MED12L: variants seen among roughly 807,000 people sequenced by gnomAD.
The protein encoded by MED12L is mediator complex subunit 12L.
In MED12L, 60 loss-of-function variants were observed where a neutral mutation model predicts 281.3. The ratio of observed to expected loss-of-function variants is 0.21; its 90% confidence interval spans 0.17 to 0.26. The LOEUF (loss-of-function observed/expected upper bound fraction) is 0.26. Among genes scored for constraint, MED12L ranks in the 10% least tolerant of loss-of-function variants. The probability of loss-of-function intolerance (pLI) is 1.00; values close to 1 mark genes in which losing one functional copy is unlikely to be tolerated. For missense variants in MED12L, 2,146 were observed against 2,680.9 expected (o/e 0.80, Z 4.41); for synonymous variants, 974 against 987.2 (o/e 0.99, Z 0.25).
At chr3:151,286,092 T>G (rs62283021) in intron 16 of MED12L, among the ~76,000 whole-genome samples, 67,056 of 152,026 alleles carry the variant, frequency 0.44, 15,095 homozygotes, top group Middle Eastern at 0.64. Flanking sequence ...GGCTTTGCAA[T>G]CATCAGTCTC....
chr3:151,269,423 ACACACACAC>A (rs1390955571), intron 16 of MED12L: 4 of 215,544 alleles, frequency 1.9e-5, no homozygotes, highest in African/African-American at 9.5e-5. Context: ...ACACACACAC[ACACACACAC>A]ACACACACAA....
chr3:151,295,020 A>G (rs1744890651), intron 16 of MED12L: 1 of 1,613,582 alleles, frequency 6.2e-7, no homozygotes, highest in African/African-American at 1.3e-5. Flanking sequence ...TAGAATATGA[A>G]GCTGGTTTTA....
At position 151,271,393 on chromosome 3, in the gene MED12L, G is replaced by C. The variant is rs77924614; in HGVS notation, c.2250+77727G>C. 2.6e-5 allele frequency among the ~76,000 whole-genome samples: 4 copies of C among 152,288 alleles called. No homozygotes were observed. In the East Asian group the frequency reaches 7.7e-4, roughly 29 times the overall value. ...AGGAAATAGAATAATTGATACTTTG[G>C]TATATTTTTGGTTATAGTGTAAAAT... On this transcript the variant is annotated intron_variant, in intron 16 of 44. Transcript: ENST00000687756.
intron 15 of MED12L, among the ~76,000 whole-genome samples, chr3:151,193,164 T>C (rs1009285097): frequency 6.6e-6 from 1 of 152,226 alleles, no homozygotes; most frequent in Non-Finnish European, 1.5e-5. Flanking sequence ...TATGTATATG[T>C]TTCTGTACGA....
At position 151,357,293 on chromosome 3, in the gene MED12L, G is replaced by T. The variant is rs564675820; in HGVS notation, c.2742G>T (p.Leu914=). 2 of 1,613,782 alleles carry T rather than the reference G, an allele frequency of 1.2e-6. No individual in the cohort carries two copies. Among genetic ancestry groups the T allele is most frequent in the Non-Finnish European group, 1.7e-6 (2 of 1,179,882 alleles). The part of the protein sequence containing the change: ...SSLAGSYTTG[L]CVCIVAVLRR... The stretch of plus-strand genomic sequence containing the variant: ...TGGCAGGAAGTTATACAACAGGACT[G>T]TGTGTCTGCATCGTGGCTGTTCTCA... Residue 914 remains leucine (L), a synonymous_variant, in exon 20 of 45, where the codon CTG becomes CTT. Transcript: ENST00000687756.
At chr3:151,232,645 A>G (rs892919057) in intron 16 of MED12L, among the ~76,000 whole-genome samples, 3 of 152,228 alleles carry the variant, frequency 2.0e-5, no homozygotes, top group African/African-American at 7.2e-5. Context: ...GGGAATATGG[A>G]TGGAGCTGGA....
intron 32 of MED12L, among the ~76,000 whole-genome samples, chr3:151,381,808 AT>A (rs1712401915): frequency 6.6e-6 from 1 of 152,076 alleles, no homozygotes; most frequent in Non-Finnish European, 1.5e-5. Flanking sequence ...GGAGGGGTTC[AT>A]TTCTTCTGAT....
Position 151,372,690 on chromosome 3 carries a change from G to T in MED12L, c.3788G>T (p.Cys1263Phe), listed in dbSNP as rs769829011. 5 of 1,613,842 alleles carry T rather than the reference G, an allele frequency of 3.1e-6. No individual in the cohort carries two copies. In the African/African-American group the frequency reaches 6.7e-5, roughly 22 times the overall value. ...IWTASQNPKS[C>F]GKSISIETAN... ...ACTGCCTCACAAAATCCAAAATCCT[G>T]TGGGAAAAGCATTTCCATAGAAACT... Residue 1263 changes from cysteine (C) to phenylalanine (F), a missense_variant, in exon 27 of 45, where the codon TGT becomes TTT. Around this residue, in one of 9 missense-constraint regions of MED12L, gnomAD observed 235 missense variants for 260.3 expected, o/e 0.90. Transcript: ENST00000687756.
chr3:151,137,160 CAAAAAAAAAAAGAAAAAA>C (rs888289024), intron 5 of MED12L, among the ~76,000 whole-genome samples: 4 of 56,996 alleles, frequency 7.0e-5, no homozygotes, highest in Admixed American at 5.5e-4. Flanking sequence ...GACTCCGTCT[CAAAAAAAAAAAGAAAAAA>C]AAAAAAAAGA....
chr3:151,214,872 TG>T (rs1360317448), intron 16 of MED12L, among the ~76,000 whole-genome samples: 4 of 152,198 alleles, frequency 2.6e-5, no homozygotes, highest in African/African-American at 9.7e-5. Context: ...CCATGTGTAA[TG>T]TATTTTTTTA....
At chr3:151,207,047 A>ATTTT (rs879695592) in intron 16 of MED12L, among the ~76,000 whole-genome samples, 1 of 131,916 alleles carries the variant, frequency 7.6e-6, no homozygotes, top group Non-Finnish European at 1.7e-5. Context: ...TAGCCATGTG[A>ATTTT]TTTTTTTTTT....
At chr3:151,349,518 A>G (rs989120602) in intron 16 of MED12L, among the ~76,000 whole-genome samples, 2 of 152,154 alleles carry the variant, frequency 1.3e-5, no homozygotes, top group Non-Finnish European at 2.9e-5. Context: ...TCCTGTCCTC[A>G]AGAGATCCTC....
At chr3:151,348,340 CAAAAAAAAAA>C (rs11382065) in intron 16 of MED12L, among the ~76,000 whole-genome samples, 3 of 87,804 alleles carry the variant, frequency 3.4e-5, no homozygotes, top group African/African-American at 8.9e-5. Context: ...ACCACCAGAC[CAAAAAAAAAA>C]AAAAAAAAAA....
In MED12L at chr3:151,225,686, G is replaced by C. The variant is rs528163770; in HGVS notation, c.2250+32020G>C. On this transcript the variant is annotated intron_variant, in intron 16 of 44. Transcript: ENST00000687756. ...CCTGTGGCACTCTTGTCCGTGCCCTGTCTAGGCTCAGTCAAGGAGAATCTC... is the reference window on the plus strand; with the variant it reads ...CCTGTGGCACTCTTGTCCGTGCCCTCTCTAGGCTCAGTCAAGGAGAATCTC... Among the ~76,000 whole-genome samples, 13 of 152,212 alleles carry C rather than the reference G, an allele frequency of 8.5e-5. 1 individual carries two copies. In the South Asian group the frequency reaches 1.9e-3, roughly 22 times the overall value.
intron 16 of MED12L, among the ~76,000 whole-genome samples, chr3:151,195,288 A>G (rs973104777): frequency 2.0e-5 from 3 of 152,188 alleles, no homozygotes; most frequent in African/African-American, 7.2e-5. Flanking sequence ...ATTTTGGAAT[A>G]TCTCCTGAAA....
At position 151,127,938 on chromosome 3, in the gene MED12L, A is replaced by T. The variant is rs1714771124; in HGVS notation, c.510A>T (p.Ile170=). Residue 170 remains isoleucine, a synonymous_variant, in exon 5 of 45, where the codon ATA becomes ATT. Transcript: ENST00000687756. ...IKMTCAYYSA[I]SEAKIKKRQA... ...TGACTTGTGCCTATTATTCTGCTAT[A>T]TCTGAAGCTAAAATTAAGAAACGTC... 1 of 1,614,020 alleles carries T rather than the reference A, an allele frequency of 6.2e-7. No homozygotes were observed. The highest frequency in any genetic ancestry group is 8.5e-7 in the Non-Finnish European group (1 of 1,179,984).
At chr3:151,301,600 A>C (rs1745932705) in intron 16 of MED12L, among the ~76,000 whole-genome samples, 1 of 152,256 alleles carries the variant, frequency 6.6e-6, no homozygotes, top group Non-Finnish European at 1.5e-5. Context: ...CCAATTTAAA[A>C]AAGGTCAAAA....
chr3:151,122,741 C>A, intron 3 of MED12L, 42 bp from the exon 4 acceptor site: 3 of 1,431,248 alleles, frequency 2.1e-6, no homozygotes, highest in Non-Finnish European at 2.8e-6. Flanking sequence ...AAGCTACTTG[C>A]TTATTGTCTT....
intron 3 of MED12L, among the ~76,000 whole-genome samples, chr3:151,117,918 C>T (rs1713091762): frequency 6.6e-6 from 1 of 151,896 alleles, no homozygotes; most frequent in Non-Finnish European, 1.5e-5. Flanking sequence ...TGGTGAAACC[C>T]TGTCTCTACT....
Sources: allele counts gnomAD v4.1 joint callset (sites outside exome capture counted in the v4.1 genomes callset), GRCh38; gene constraint gnomAD v4.1.1; regional missense constraint gnomAD v4.1.1; transcripts MANE v1.5; gene names NCBI Gene and HGNC (gene_info 2026-07-23, HGNC 2026-07-21).